The following SHOC2 variants were observed in gnomAD, a reference collection of about 807,000 sequenced individuals.
SHOC2 encodes the protein SHOC2 leucine rich repeat scaffold protein.
A neutral mutation model predicts 50.2 loss-of-function variants in SHOC2; 4 were observed. The observed-to-expected ratio is 0.08, with a 90% CI of 0.04 to 0.18. The LOEUF (loss-of-function observed/expected upper bound fraction) is 0.18, where lower values mean the gene tolerates loss of function less well. Among genes scored for constraint, SHOC2 ranks in the 10% least tolerant of loss-of-function variants. The pLI, the probability that SHOC2 is intolerant of heterozygous loss-of-function variation, is 1.00. For missense variants in SHOC2, 388 were observed against 669.6 expected, an observed-to-expected ratio of 0.58 and a Z score of 4.64; for synonymous variants, 218 against 244.5, an observed-to-expected ratio of 0.89 and a Z score of 1.01.
At chr10:110,998,903 G>A (rs1848316707) in intron 3 of SHOC2, among the ~76,000 whole-genome samples, 1 of 152,180 alleles carries the variant, frequency 6.6e-6, no homozygotes, top group South Asian at 2.1e-4. Context: ...CATAAGGAGT[G>A]CCCTCTTAAG....
intron 1 of SHOC2, among the ~76,000 whole-genome samples, chr10:110,949,870 A>G (rs1847317548): frequency 6.6e-6 from 1 of 152,182 alleles, no homozygotes; most frequent in African/African-American, 2.4e-5. Flanking sequence ...AACATTTGAC[A>G]AGATTATCAC....
intron 1 of SHOC2, among the ~76,000 whole-genome samples, chr10:110,931,021 C>G (rs903692036): frequency 2.0e-5 from 3 of 151,868 alleles, no homozygotes; most frequent in Non-Finnish European, 4.4e-5. Context: ...TCTTGTTTTC[C>G]TAGAATGTAA....
intron 1 of SHOC2, among the ~76,000 whole-genome samples, chr10:110,922,420 A>G (rs970378949): frequency 2.7e-5 from 4 of 149,730 alleles, no homozygotes; most frequent in Non-Finnish European, 5.9e-5. Flanking sequence ...TATTTGTTGT[A>G]TCATTTAATA....
intron 2 of SHOC2, among the ~76,000 whole-genome samples, chr10:110,984,287 G>A (rs973984203): frequency 6.6e-6 from 1 of 152,064 alleles, no homozygotes; most frequent in Admixed American, 6.6e-5. Context: ...TTGCCCACTT[G>A]TATATCGTTA....
At chr10:110,920,023 C>T (rs1157681282) in intron 1 of SHOC2, 1 of 148,888 alleles carries the variant, frequency 6.7e-6, no homozygotes, top group Non-Finnish European at 1.5e-5. Context: ...AGGGCGCGGG[C>T]CGGGGGCCCC....
intron 5 of SHOC2, among the ~76,000 whole-genome samples, chr10:111,005,848 A>T (rs1042621069): frequency 7.2e-5 from 11 of 152,262 alleles, no homozygotes; most frequent in African/African-American, 2.7e-4. Context: ...ATTTGAACAT[A>T]GTTGTGGTTC....
rs1554859803 is a variant in SHOC2 at position 110,981,876 on chromosome 10, T to TATTTATTTATTTATTATACTC, written c.704-3752_704-3751insATTTATTTATTTATTATACTC. Reference sequence around the variant, plus strand: ...TTTATTTATTTATTTATTTATTTTTTTAAGTTTTAGGGTACATGTGCACAT... The same window carrying TATTTATTTATTTATTATACTC: ...TTTATTTATTTATTTATTTATTTTTTATTTATTTATTTATTATACTCTAAGTTTTAGGGTACATGTGCACAT... On this transcript the variant is annotated intron_variant, in intron 2 of 8. Transcript: ENST00000369452. Among the ~76,000 whole-genome samples, 194 of 135,466 alleles carry TATTTATTTATTTATTATACTC rather than the reference T, an allele frequency of 1.4e-3. 1 individual carries two copies. The highest frequency in any genetic ancestry group is 3.8e-3 in the Admixed American group (50 of 13,252). The allele number at this position is 135,466 out of a possible 152,430, so 88.9% of individuals were successfully genotyped here. A position where few individuals can be genotyped will look rare whatever the true frequency, so the allele number is the denominator to read the frequency against.
intron 2 of SHOC2, among the ~76,000 whole-genome samples, chr10:110,966,115 G>A (rs752915328): frequency 6.6e-5 from 10 of 151,970 alleles, no homozygotes; most frequent in Non-Finnish European, 1.0e-4. Flanking sequence ...TTCTGTGGGT[G>A]TTTTAATATT....
chr10:110,982,562 A>T (rs1164398295), intron 2 of SHOC2, among the ~76,000 whole-genome samples: 2 of 151,772 alleles, frequency 1.3e-5, no homozygotes, highest in African/African-American at 4.8e-5. Flanking sequence ...CTGGTGTGAG[A>T]TGGTATCTCA....
chr10:110,931,949 T>C (rs1364127923), intron 1 of SHOC2, among the ~76,000 whole-genome samples: 3 of 152,114 alleles, frequency 2.0e-5, no homozygotes, highest in Admixed American at 6.5e-5. Context: ...CCAAGTCTAA[T>C]AATAGCATGA....
chr10:110,982,521 T>A (rs190957719), intron 2 of SHOC2, among the ~76,000 whole-genome samples: 163 of 152,178 alleles, frequency 1.1e-3, no homozygotes, highest in Admixed American at 4.3e-3. Flanking sequence ...GCACCTGTTG[T>A]TTCCTGACTT....
intron 1 of SHOC2, among the ~76,000 whole-genome samples, chr10:110,941,448 C>T (rs1847143366): frequency 6.6e-6 from 1 of 152,060 alleles, no homozygotes; most frequent in Admixed American, 6.6e-5. Flanking sequence ...TCTGGTGCCT[C>T]AGCCTCCCGG....
intron 5 of SHOC2, among the ~76,000 whole-genome samples, 185 bp from the exon 6 acceptor site, chr10:111,007,346 T>C (rs1315636829): frequency 6.6e-6 from 1 of 152,196 alleles, no homozygotes; most frequent in East Asian, 1.9e-4. Flanking sequence ...AAAAGCCTCA[T>C]TACTGTATAA....
intron 1 of SHOC2, among the ~76,000 whole-genome samples, chr10:110,933,886 G>C (rs1846943480): frequency 6.6e-6 from 1 of 151,992 alleles, no homozygotes; most frequent in African/African-American, 2.4e-5. Context: ...TTTAACGAAA[G>C]TTTGGATTTT....
intron 4 of SHOC2, among the ~76,000 whole-genome samples, chr10:111,001,051 C>T (rs1398151446): frequency 2.5e-5 from 3 of 117,960 alleles, no homozygotes; most frequent in African/African-American, 5.9e-5. Flanking sequence ...ATAGAACAAT[C>T]GCCAGAATCT....
intron 6 of SHOC2, among the ~76,000 whole-genome samples, chr10:111,008,517 A>C (rs990173389): frequency 6.6e-6 from 1 of 151,936 alleles, no homozygotes; most frequent in East Asian, 1.9e-4. Context: ...AAGAGTATCT[A>C]CCTTGTAGAG....
At position 111,012,979 on chromosome 10, in the gene SHOC2, T is replaced by C. The variant is rs1410473061; in HGVS notation, c.*1161T>C. 2.0e-5 allele frequency: 3 copies of C among 152,644 alleles called. No individual in the cohort carries two copies. The highest frequency in any genetic ancestry group is 1.5e-5 in the Non-Finnish European group (1 of 68,028). 9.5% of individuals were successfully genotyped at this position (152,644 alleles called of 1,614,324 possible). A position where few individuals can be genotyped will look rare whatever the true frequency, so the allele number is the denominator to read the frequency against. On this transcript the variant is annotated 3_prime_UTR_variant, in exon 9 of 9. Transcript: ENST00000369452. ...AACTAAATGCACTTTTCCCCACATATGGGGCACTGGCTTCAAACAATTCAG... is the reference window on the plus strand; with the variant it reads ...AACTAAATGCACTTTTCCCCACATACGGGGCACTGGCTTCAAACAATTCAG...
At chr10:110,988,950 C>T (rs766186203) in intron 3 of SHOC2, 16 of 510,592 alleles carry the variant, frequency 3.1e-5, no homozygotes, top group Admixed American at 1.9e-4. Context: ...CAAAAGCAAT[C>T]GCGGTTTTTG....
In SHOC2 at chr10:110,954,395, T is replaced by C. The variant is rs560135850; in HGVS notation, c.-234-9730T>C. Among the ~76,000 whole-genome samples, 3 of 152,328 alleles carry C rather than the reference T, an allele frequency of 2.0e-5. No homozygotes were observed. In the East Asian group the frequency reaches 5.8e-4, roughly 29 times the overall value. On this transcript the variant is annotated intron_variant, in intron 1 of 8. Coordinates refer to ENST00000369452, the MANE Select transcript of SHOC2 (RefSeq NM_007373.4). ...TCTCATTCACTACCTAGTTATATGA[T>C]AAATGTTTATGTTAGCATCAAAATA...
Sources: allele counts gnomAD v4.1 joint callset (sites outside exome capture counted in the v4.1 genomes callset), GRCh38; gene constraint gnomAD v4.1.1; transcripts MANE v1.5; gene names NCBI Gene and HGNC (gene_info 2026-07-23, HGNC 2026-07-21).